The following ATAD3B variants were observed in gnomAD, a reference collection of about 807,000 sequenced individuals.
ATAD3B encodes ATPase family AAA domain-containing protein 3B.
A neutral mutation model predicts 70.2 loss-of-function variants in ATAD3B; 59 were observed. The observed-to-expected ratio is 0.84, with a 90% CI of 0.68 to 1.04. ATAD3B has a LOEUF of 1.04. Ranked by LOEUF, ATAD3B falls within the 50% of genes least tolerant of loss-of-function variation. ATAD3B has a pLI of 0.00. For synonymous variants in ATAD3B, 423 were observed against 388.6 expected (o/e 1.09, Z -1.04); for missense variants, 961 against 913.4 (o/e 1.05, Z -0.67).
rs200942166 is a variant in ATAD3B at position 1,489,224 on chromosome 1, C to T, written c.1287C>T (p.Leu429=). Residue 429 remains leucine, a synonymous_variant, in exon 13 of 16, where the codon CTC becomes CTT. Coordinates refer to ENST00000673477, the MANE Select transcript of ATAD3B (RefSeq NM_031921.6). ...KRATEEISKD[L]RATLNAFLYH... ...TGCAGGAGGAGATAAGCAAGGACCT[C>T]AGAGCCACACTGAACGCCTTCCTGT... The T allele has an allele frequency of 4.4e-5, 71 of 1,613,608 alleles. 1 individual carries two copies. The Admixed American group carries it at 9.2e-4, about 21-fold the overall frequency.
chr1:1,479,272 G>T (rs1259525142), intron 4 of ATAD3B, among the ~76,000 whole-genome samples, 164 bp downstream of exon 4: 1 of 147,622 alleles, frequency 6.8e-6, no homozygotes, highest in African/African-American at 2.5e-5. Context: ...CAGCACACGT[G>T]TACAGGCACA....
At chr1:1,487,978 T>G in intron 12 of ATAD3B, 64 bp downstream of exon 12, 1 of 1,594,332 alleles carries the variant, frequency 6.3e-7, no homozygotes, top group Non-Finnish European at 8.6e-7. Flanking sequence ...GCTGTCATCC[T>G]GGGCCAGGCT....
Position 1,496,711 on chromosome 1 carries a change from C to T in ATAD3B, c.*894C>T, listed in dbSNP as rs1208682683. 6.7e-6 allele frequency: 1 copy of T among 150,202 alleles called. No homozygotes were observed. Among genetic ancestry groups the T allele is most frequent in the African/African-American group, 2.5e-5 (1 of 40,142 alleles). 9.3% of individuals were successfully genotyped at this position (150,202 alleles called of 1,614,324 possible). A position where few individuals can be genotyped will look rare whatever the true frequency, so the allele number is the denominator to read the frequency against. On this transcript the variant is annotated 3_prime_UTR_variant, in exon 16 of 16. Coordinates refer to ENST00000673477, the MANE Select transcript of ATAD3B (RefSeq NM_031921.6). The stretch of plus-strand genomic sequence containing the variant: ...AGGAACCACACTCGCTGCCTGAATT[C>T]TGGGAGCAGAGCGTGGTACCCACTG...
In ATAD3B at chr1:1,482,200, G is replaced by T; in HGVS notation, c.577G>T (p.Ala193Ser). ...TGAGATGCTGCGAGTGGAGACCGAG[G>T]CCCGGGCGCGCGCCAAGGCCGAGCG... ...KNEMLRVETE[A>S]RARAKAEREN... Residue 193 changes from alanine to serine, a missense_variant, in exon 6 of 16, where the codon GCC (alanine) becomes TCC (serine). Coordinates refer to ENST00000673477, the MANE Select transcript of ATAD3B (RefSeq NM_031921.6). The T allele has an allele frequency of 6.2e-7, 1 of 1,611,070 alleles. No homozygotes were observed. Among genetic ancestry groups the T allele is most frequent in the East Asian group, 2.2e-5 (1 of 44,848 alleles).
chr1:1,478,555 G>C lies in ATAD3B; in HGVS notation c.283-89G>C, dbSNP rs1331806722. The C allele has an allele frequency of 1.9e-6, 3 of 1,550,172 alleles. No individual in the cohort carries two copies. The African/African-American group carries it at 4.1e-5, about 21-fold the overall frequency. On this transcript the variant is annotated intron_variant, in intron 2 of 15. Transcript: ENST00000673477. ...ACACTAGTCTGGGCACGGAGTCTCT[G>C]CCGTGCCGGAGCTGTGCAGACACAG...
chr1:1,507,382 G>C, the ATAD3B span, among the ~76,000 whole-genome samples: 3 of 152,172 alleles, frequency 2.0e-5, no homozygotes, highest in Admixed American at 2.0e-4. Context: ...TCTCATAAAA[G>C]GGTGTTGAAT....
chr1:1,489,497 C>A, intron 13 of ATAD3B: 3 of 998,758 alleles, frequency 3.0e-6, no homozygotes, highest in Non-Finnish European at 4.4e-6. Flanking sequence ...CCTGTCTTCA[C>A]GGCCCTGTGC....
At chr1:1,493,111 A>G (rs1212986803) in intron 15 of ATAD3B, among the ~76,000 whole-genome samples, 1 of 152,000 alleles carries the variant, frequency 6.6e-6, no homozygotes, top group African/African-American at 2.4e-5. Context: ...ACTGTCTCAA[A>G]ATATAAATGA....
downstream of ATAD3B, among the ~76,000 whole-genome samples, chr1:1,499,089 A>G (rs568180273): frequency 6.6e-6 from 1 of 150,902 alleles, no homozygotes. Context: ...CTCCTGCCTC[A>G]GCCTCCTGAG....
intron 13 of ATAD3B, chr1:1,489,712 GA>G: frequency 7.6e-7 from 1 of 1,312,502 alleles, no homozygotes; most frequent in South Asian, 1.2e-5. Context: ...GTGTCACACG[GA>G]GGATCAAGTC....
intron 1 of ATAD3B, 69 bp downstream of exon 1, chr1:1,472,158 C>G (rs78689788): frequency 0.082 from 107,386 of 1,310,758 alleles, 16,344 homozygotes; most frequent in East Asian, 0.59. Flanking sequence ...GAGCCCTGGC[C>G]CTTGCCGCTC....
In ATAD3B at chr1:1,495,876, C is replaced by T; in HGVS notation, c.*59C>T. 1 of 1,489,916 alleles carries T rather than the reference C, an allele frequency of 6.7e-7. No homozygotes were observed. Among genetic ancestry groups the T allele is most frequent in the Non-Finnish European group, 8.9e-7 (1 of 1,125,182 alleles). 92.3% of individuals were successfully genotyped at this position (1,489,916 alleles called of 1,614,324 possible). The stretch of plus-strand genomic sequence containing the variant: ...CCCCTCGAGACACTCTTGGGAGATG[C>T]ATTTTCCGTCTGGCTCACAGGGGGA... On this transcript the variant is annotated 3_prime_UTR_variant, in exon 16 of 16. Coordinates refer to ENST00000673477, the MANE Select transcript of ATAD3B (RefSeq NM_031921.6).
rs1267060108 is a variant in ATAD3B at position 1,488,119 on chromosome 1, T to TA, written c.1266+207dup. Among the ~76,000 whole-genome samples, 6 of 151,940 alleles carry TA rather than the reference T, an allele frequency of 3.9e-5. 1 individual carries two copies. Among genetic ancestry groups the TA allele is most frequent in the Non-Finnish European group, 7.4e-5 (5 of 67,956 alleles). On this transcript the variant is annotated intron_variant, in intron 12 of 15. Transcript: ENST00000673477. ...ACAGGTGTTTGCCACCACACCTAGT[T>TA]AAGTTTTTTGTATTTTTAGTAGAGA...
chr1:1,490,345 C>G lies in ATAD3B; in HGVS notation c.1426C>G (p.Pro476Ala), dbSNP rs1640470392. 6.2e-7 allele frequency: 1 copy of G among 1,613,312 alleles called. No homozygotes were observed. The highest frequency in any genetic ancestry group is 1.1e-5 in the South Asian group (1 of 91,024). Residue 476 changes from proline to alanine, a missense_variant, in exon 14 of 16, where the codon CCG (proline) becomes GCG (alanine). Transcript: ENST00000673477. The stretch of plus-strand genomic sequence containing the variant: ...TGACGTGATGGTCCACTTCGACCTG[C>G]CGCAGCAGGAGGAGCGGGAGCGCCT... ...RIDVMVHFDL[P>A]QQEERERLVR... is the part of the protein sequence containing the mutation.
rs1570171182 is a variant in ATAD3B, at chr1:1,471,782, G to C, written c.-103G>C. 4.1e-6 allele frequency: 5 copies of C among 1,218,064 alleles called. No individual in the cohort carries two copies. In the East Asian group the frequency reaches 1.7e-4, roughly 41 times the overall value. The allele number at this position is 1,218,064 out of a possible 1,614,324, so 75.5% of individuals were successfully genotyped here. ...GGGTGTGTGTTTCGCCTGCGCAGTG[G>C]TCCTGGCCACCGGCTCGCGGCGCGT... is the stretch of plus-strand genomic sequence containing the variant. On this transcript the variant is annotated 5_prime_UTR_variant, in exon 1 of 16. Transcript: ENST00000673477.
intron 1 of ATAD3B, among the ~76,000 whole-genome samples, chr1:1,475,003 G>T (rs997300675): frequency 2.1e-4 from 32 of 149,020 alleles, no homozygotes; most frequent in African/African-American, 8.1e-4. Flanking sequence ...AAGCTGAATC[G>T]TAGTGATCAG....
rs1176702582 is a variant in ATAD3B at position 1,495,469 on chromosome 1, CCT to C, written c.1615-9_1615-8del. On this transcript the variant is annotated splice_polypyrimidine_tract_variant and intron_variant, in intron 15 of 15. Transcript: ENST00000673477. ...TTCCCATAGCGGCCTCCCTCAGCTC[CCT>C]CTCTCTTCACTAGGCCACGGCATAT... 7 of 1,585,262 alleles carry C rather than the reference CCT, an allele frequency of 4.4e-6. No homozygotes were observed. Among genetic ancestry groups the C allele is most frequent in the Middle Eastern group, 1.7e-4 (1 of 5,918 alleles).
the ATAD3B span, among the ~76,000 whole-genome samples, chr1:1,505,485 G>A: frequency 2.0e-5 from 3 of 152,168 alleles, no homozygotes; most frequent in Non-Finnish European, 4.4e-5. Flanking sequence ...AAGAGGTGGA[G>A]GAGTAGAGTC....
At position 1,477,320 on chromosome 1, in the gene ATAD3B, G is replaced by A. The variant is rs142559400; in HGVS notation, c.252G>A (p.Thr84=). 331 of 1,612,154 alleles carry A rather than the reference G, an allele frequency of 2.1e-4. 4 individuals are homozygous for A. The highest frequency in any genetic ancestry group is 2.6e-4 in the Non-Finnish European group (310 of 1,179,728). ...ATCTGGCGCAGATGCAGGAGCAGAC[G>A]CTGCAGTTGGAGCAACAGTCCAAGC... The part of the protein sequence containing the change: ...ALNLAQMQEQ[T]LQLEQQSKLK... The change falls in exon 2 of 16, where the codon ACG becomes ACA. Residue 84 remains threonine (T), a synonymous_variant. Coordinates refer to ENST00000673477, the MANE Select transcript of ATAD3B (RefSeq NM_031921.6).
Sources: allele counts gnomAD v4.1 joint callset (sites outside exome capture counted in the v4.1 genomes callset), GRCh38; gene constraint gnomAD v4.1.1; transcripts MANE v1.5; gene names NCBI Gene and HGNC (gene_info 2026-07-23, HGNC 2026-07-21).